Variants in TGM1 observed in about 807,000 individuals in gnomAD.
The protein encoded by TGM1 is protein-glutamine gamma-glutamyltransferase K.
Under a neutral mutation model 88.7 loss-of-function variants are expected in TGM1, and 63 were observed. The ratio of observed to expected loss-of-function variants is 0.71; its 90% CI spans 0.58 to 0.88. The LOEUF is 0.88. Among genes scored for constraint, TGM1 ranks in the 40% least tolerant of loss-of-function variants. The probability of loss-of-function intolerance (pLI) is 0.00; values close to 1 mark genes in which losing one functional copy is unlikely to be tolerated. For missense variants in TGM1, 996 were observed against 1,118.0 expected, an observed-to-expected ratio of 0.89 and a Z score of 1.56; for synonymous variants, 415 against 431.1, an observed-to-expected ratio of 0.96 and a Z score of 0.46.
At chr14:24,258,429 G>A in intron 8 of TGM1, 41 bp from the exon 9 acceptor site, 1 of 1,611,654 alleles carries the variant, frequency 6.2e-7, no homozygotes, top group African/African-American at 1.3e-5. Flanking sequence ...GAGCCCCAGG[G>A]TCAGGAGTCC....
chr14:24,253,966 G>T (rs1207280015), intron 14 of TGM1, among the ~76,000 whole-genome samples, 186 bp downstream of exon 14: 1 of 152,206 alleles, frequency 6.6e-6, no homozygotes, highest in South Asian at 2.1e-4. Flanking sequence ...AGGTGCCCAA[G>T]AGGTCTCCCT....
Position 24,254,134 on chromosome 14 carries a change from G to A in TGM1, c.2225+18C>T, listed in dbSNP as rs1349779985. 2 of 1,605,420 alleles carry A rather than the reference G, an allele frequency of 1.2e-6. No homozygotes were observed. The highest frequency in any genetic ancestry group is 1.1e-5 in the South Asian group (1 of 89,692). On this transcript the variant is annotated intron_variant, in intron 14 of 14. Transcript: ENST00000206765. The stretch of plus-strand genomic sequence containing the variant: ...AGGCCAGAGTGGAAGCAGGGGTAGG[G>A]GGAGAGGCCAGACTCACCCAACGTT...
Position 24,261,705 on chromosome 14 carries a change from C to T in TGM1, c.498G>A (p.Glu166=), listed in dbSNP as rs2040810212. The part of the protein sequence containing the change: ...TYESSDRITL[E]LLIGNNPEVG... ...CCAAGCCCCACTGACCGATGAGTAA[C>T]TCAAGGGTGATGCGATCAGAGGATT... Residue 166 remains glutamate (E), a synonymous_variant, in exon 3 of 15, where the codon GAG becomes GAA. Transcript: ENST00000206765. 6.2e-7 allele frequency: 1 copy of T among 1,614,172 alleles called. No individual in the cohort carries two copies. Among genetic ancestry groups the T allele is most frequent in the Non-Finnish European group, 8.5e-7 (1 of 1,180,032 alleles).
intron 13 of TGM1, 126 bp from the exon 14 acceptor site, chr14:24,254,414 C>A: frequency 6.9e-7 from 1 of 1,438,922 alleles, no homozygotes. Flanking sequence ...ATTTATCCTC[C>A]TGAGAGAAGA....
At chr14:24,261,115 T>TGGAGGTG (rs1555306393) in intron 3 of TGM1, among the ~76,000 whole-genome samples, 1 of 152,028 alleles carries the variant, frequency 6.6e-6, no homozygotes, top group Non-Finnish European at 1.5e-5. Context: ...GCATCCCTGG[T>TGGAGGTG]GGAGGTGGTA....
chr14:24,260,336 A>G, intron 4 of TGM1, 114 bp downstream of exon 4: 1 of 1,515,440 alleles, frequency 6.6e-7, no homozygotes, highest in South Asian at 1.2e-5. Context: ...GCCCAATGGG[A>G]GGCTGGCTTC....
chr14:24,254,655 T>C lies in TGM1; in HGVS notation c.2088+9A>G. On this transcript the variant is annotated intron_variant, in intron 13 of 14. Coordinates refer to ENST00000206765, the MANE Select transcript of TGM1 (RefSeq NM_000359.3). ...GACCACCCCTCATGCCCCAGCAAAC[T>C]GCATTCACCGTGAGGGAGAGGTCTG... The C allele has an allele frequency of 6.2e-7, 1 of 1,613,736 alleles. No homozygotes were observed. Among genetic ancestry groups the C allele is most frequent in the Non-Finnish European group, 8.5e-7 (1 of 1,180,022 alleles).
Position 24,255,524 on chromosome 14 carries a change from G to C in TGM1, c.1492-7C>G. ...ACACCTTGTCACTATTCACCTGTGG[G>C]GGGTGGGGGTGAGCAGGAATGAGTG... On this transcript the variant is annotated splice_polypyrimidine_tract_variant and splice_region_variant and intron_variant, in intron 10 of 14. Coordinates refer to ENST00000206765, the MANE Select transcript of TGM1 (RefSeq NM_000359.3). This position sits in a 1 kb window ranked among gnomAD's most constrained non-coding sequence, Gnocchi z 4.0. 1.9e-6 allele frequency: 3 copies of C among 1,612,824 alleles called. No individual in the cohort carries two copies. The highest frequency in any genetic ancestry group is 1.1e-5 in the South Asian group (1 of 91,020).
Position 24,259,281 on chromosome 14 carries a change from T to C in TGM1, c.985-32A>G, listed in dbSNP as rs1594571242. ...AGGACAGGATGAGATAGGGCGGAGG[T>C]GGAGGAGGGGCTCAGGACCTGCCAT... is the stretch of plus-strand genomic sequence containing the variant. On this transcript the variant is annotated intron_variant, in intron 6 of 14. Transcript: ENST00000206765. The surrounding 1 kb of genome is among the most constrained non-coding windows in gnomAD (Gnocchi z 5.7). 6.3e-6 allele frequency: 10 copies of C among 1,591,774 alleles called. No homozygotes were observed. The highest frequency in any genetic ancestry group is 7.7e-6 in the Non-Finnish European group (9 of 1,169,028).
chr14:24,254,683 G>A lies in TGM1; in HGVS notation c.2069C>T (p.Thr690Ile), dbSNP rs372829569. Residue 690 changes from threonine to isoleucine, a missense_variant, in exon 13 of 15, where the codon ACC (threonine) becomes ATC (isoleucine). Thr to Ile is a moderately conservative substitution (Grantham distance 89). Transcript: ENST00000206765. ...ATTCACCGTGAGGGAGAGGTCTGGG[G>A]TGCGCAGACGGAAGGTGTGCTGCTT... is the stretch of plus-strand genomic sequence containing the variant. ...LAKQHTFRLR[T>I]PDLSLTLLGA... 3 of 1,613,816 alleles carry A rather than the reference G, an allele frequency of 1.9e-6. No homozygotes were observed. Among genetic ancestry groups the A allele is most frequent in the Non-Finnish European group, 2.5e-6 (3 of 1,180,046 alleles).
intron 1 of TGM1, 55 bp from the exon 2 acceptor site, chr14:24,262,409 C>G (rs2040821973): frequency 1.3e-6 from 2 of 1,581,710 alleles, no homozygotes; most frequent in Admixed American, 1.7e-5. Flanking sequence ...GCCAGTTGAC[C>G]CAGAAACCCT....
chr14:24,254,915 C>T (rs377034178), intron 12 of TGM1, 57 bp downstream of exon 12: 1 of 1,612,926 alleles, frequency 6.2e-7, no homozygotes. Context: ...GTCTCCATGT[C>T]CACAGCCCTG....
intron 13 of TGM1, 26 bp downstream of exon 13, chr14:24,254,638 C>A (rs1270072628): frequency 3.7e-6 from 6 of 1,613,414 alleles, no homozygotes; most frequent in African/African-American, 1.3e-5. Flanking sequence ...CTGACCACCC[C>A]TCATGCCCCA....
At chr14:24,250,816 T>C (rs1434805680) in intron 14 of TGM1, among the ~76,000 whole-genome samples, 1 of 152,226 alleles carries the variant, frequency 6.6e-6, no homozygotes, top group African/African-American at 2.4e-5. Flanking sequence ...TGTGGGAATT[T>C]GTCCTTCCTG....
At chr14:24,254,920 G>A in intron 12 of TGM1, 52 bp downstream of exon 12, 2 of 1,612,956 alleles carry the variant, frequency 1.2e-6, no homozygotes, top group Admixed American at 3.3e-5. Context: ...CATGTCCACA[G>A]CCCTGAGGTG....
chr14:24,249,932 T>C (rs2040686724), intron 14 of TGM1, among the ~76,000 whole-genome samples: 1 of 152,126 alleles, frequency 6.6e-6, no homozygotes, highest in Non-Finnish European at 1.5e-5. Context: ...AAATGAGACT[T>C]TGGGGGCCCA....
chr14:24,258,140 T>C, intron 9 of TGM1, 145 bp downstream of exon 9: 1 of 627,444 alleles, frequency 1.6e-6, no homozygotes, highest in South Asian at 1.9e-5. Context: ...ATCCACGTGG[T>C]GGTTCAGCTG....
rs41293826 is a variant in TGM1 at position 24,254,325 on chromosome 14, C to G, written c.2089-37G>C. On this transcript the variant is annotated intron_variant, in intron 13 of 14. Coordinates refer to ENST00000206765, the MANE Select transcript of TGM1 (RefSeq NM_000359.3). ...AGAGGCCCATCCCCCACGTCAGAGA[C>G]CCTGGCCAAACACACGGGGACCGTA... 39 of 1,613,662 alleles carry G rather than the reference C, an allele frequency of 2.4e-5. No homozygotes were observed. The East Asian group carries it at 8.7e-4, about 36-fold the overall frequency.
At position 24,259,595 on chromosome 14, in the gene TGM1, G is replaced by T; in HGVS notation, c.984+109C>A. 1 of 931,102 alleles carries T rather than the reference G, an allele frequency of 1.1e-6. No individual in the cohort carries two copies. The allele number at this position is 931,102 out of a possible 1,614,324, so 57.7% of individuals were successfully genotyped here. On this transcript the variant is annotated intron_variant, in intron 6 of 14. Transcript: ENST00000206765. This position sits in a 1 kb window ranked among gnomAD's most constrained non-coding sequence, Gnocchi z 5.7. ...CTGAAGTATCCTTTACGAGGGCAGG[G>T]ACAGGGCTGGGGGTTCTTGAGGAAT...
Sources: gnomAD v4.1 joint callset for allele counts (sites outside exome capture counted in the v4.1 genomes callset) on GRCh38, gnomAD v4.1.1 for gene constraint, Gnocchi (gnomAD v3.1) non-coding constraint, MANE v1.5 for transcripts, NCBI Gene and HGNC (gene_info 2026-07-23, HGNC 2026-07-21) for gene names.